The following MITF variants were observed in gnomAD, a reference collection of about 807,000 sequenced individuals.
MITF encodes the protein microphthalmia-associated transcription factor.
In MITF, 17 loss-of-function variants were observed where a neutral mutation model predicts 60.5. The observed-to-expected ratio is 0.28, with a 90% CI of 0.19 to 0.42. MITF has a LOEUF of 0.42. Ranked by LOEUF, MITF falls within the 10% of genes least tolerant of loss-of-function variation. The pLI, the probability that MITF is intolerant of heterozygous loss-of-function variation, is 1.00. For missense variants in MITF, 622 were observed against 683.5 expected (o/e 0.91, Z 1.00); for synonymous variants, 260 against 248.5 (o/e 1.05, Z -0.43).
At chr3:69,890,131 AT>A (rs1270170078) in intron 2 of MITF, among the ~76,000 whole-genome samples, 2 of 152,192 alleles carry the variant, frequency 1.3e-5, no homozygotes, top group African/African-American at 2.4e-5. Context: ...ACACAAAAAA[AT>A]TAGTCATTAT....
At chr3:69,841,538 G>A (rs1319719405) in intron 1 of MITF, among the ~76,000 whole-genome samples, 2 of 152,252 alleles carry the variant, frequency 1.3e-5, no homozygotes, top group Non-Finnish European at 2.9e-5. Flanking sequence ...TTCATCTTAA[G>A]GGTAAGAAAG....
intron 2 of MITF, among the ~76,000 whole-genome samples, chr3:69,879,776 G>C (rs1361232964): frequency 6.6e-6 from 1 of 152,040 alleles, no homozygotes; most frequent in Non-Finnish European, 1.5e-5. Flanking sequence ...TTTTTATTTA[G>C]TATGTAATAT....
chr3:69,741,918 C>G (rs1703542595), intron 1 of MITF, among the ~76,000 whole-genome samples: 1 of 152,168 alleles, frequency 6.6e-6, no homozygotes, highest in African/African-American at 2.4e-5. Flanking sequence ...TCACTTCTTA[C>G]AAGTCTTTGT....
chr3:69,888,806 G>T (rs1042503671), intron 2 of MITF, among the ~76,000 whole-genome samples: 1 of 151,732 alleles, frequency 6.6e-6, no homozygotes, highest in Non-Finnish European at 1.5e-5. Flanking sequence ...TATTAACTTT[G>T]TTGCCTTTCC....
chr3:69,820,290 C>T (rs531352569), intron 1 of MITF, among the ~76,000 whole-genome samples: 58 of 152,076 alleles, frequency 3.8e-4, no homozygotes, highest in Admixed American at 1.4e-3. Flanking sequence ...TTCTATTAGA[C>T]GGTGCTGCTT....
At chr3:69,815,637 A>T (rs1382408538) in intron 1 of MITF, among the ~76,000 whole-genome samples, 1 of 152,238 alleles carries the variant, frequency 6.6e-6, no homozygotes, top group African/African-American at 2.4e-5. Flanking sequence ...TCTGATCAAC[A>T]GAAGGCTATT....
At chr3:69,749,768 G>A (rs761372996) in intron 1 of MITF, among the ~76,000 whole-genome samples, 1 of 152,152 alleles carries the variant, frequency 6.6e-6, no homozygotes, top group South Asian at 2.1e-4. Flanking sequence ...CTGGCTTATG[G>A]TATATTAAAC....
intron 1 of MITF, among the ~76,000 whole-genome samples, chr3:69,746,431 G>C (rs906862865): frequency 5.9e-5 from 9 of 151,906 alleles, no homozygotes; most frequent in African/African-American, 1.9e-4. Context: ...GCAGTATTAG[G>C]ATAAATAATA....
At chr3:69,817,423 C>T (rs1034092553) in intron 1 of MITF, among the ~76,000 whole-genome samples, 3 of 151,952 alleles carry the variant, frequency 2.0e-5, no homozygotes, top group African/African-American at 7.3e-5. Context: ...ATTAAACATG[C>T]AAGTTGCAGT....
In MITF at chr3:69,874,462, G is replaced by A. The variant is rs143834497; in HGVS notation, c.105-4672G>A. On this transcript the variant is annotated intron_variant, in intron 1 of 9. Coordinates refer to ENST00000352241, the MANE Select transcript of MITF (RefSeq NM_001354604.2). Reference sequence around the variant, plus strand: ...ACTGTATTCCAGTTTATTGGACCATGTTTCAGTCATTGTGCTAAGTTTTTC... The same window carrying A: ...ACTGTATTCCAGTTTATTGGACCATATTTCAGTCATTGTGCTAAGTTTTTC... Among the ~76,000 whole-genome samples, 38 of 152,294 alleles carry A rather than the reference G, an allele frequency of 2.5e-4. 1 individual carries two copies. The East Asian group carries it at 6.0e-3, about 24-fold the overall frequency.
chr3:69,784,900 T>C (rs528406936), intron 1 of MITF, among the ~76,000 whole-genome samples: 8 of 152,346 alleles, frequency 5.3e-5, no homozygotes, highest in South Asian at 4.1e-4. Flanking sequence ...TTGTGTTTCA[T>C]TGAAGATCCC....
chr3:69,804,381 T>C (rs780730077), intron 1 of MITF, among the ~76,000 whole-genome samples: 3 of 151,120 alleles, frequency 2.0e-5, no homozygotes, highest in African/African-American at 4.9e-5. Context: ...TCCTCAACAG[T>C]TAATCTCTTT....
intron 1 of MITF, among the ~76,000 whole-genome samples, chr3:69,788,839 C>A (rs2106906072): frequency 6.6e-6 from 1 of 152,162 alleles, no homozygotes. Context: ...CAAGATGATT[C>A]AATGAAGTAA....
At chr3:69,854,566 C>T (rs2063883037) in intron 1 of MITF, among the ~76,000 whole-genome samples, 1 of 151,956 alleles carries the variant, frequency 6.6e-6, no homozygotes, top group African/African-American at 2.4e-5. Flanking sequence ...TATTATTGAT[C>T]CATGGTTGGC....
Position 69,937,968 on chromosome 3 carries a change from T to C in MITF, c.501T>C (p.His167=), listed in dbSNP as rs775754964. 1.9e-6 allele frequency: 3 copies of C among 1,614,196 alleles called. No homozygotes were observed. The highest frequency in any genetic ancestry group is 1.3e-5 in the African/African-American group (1 of 75,080). ...CATGTCCAAACCAGCCTGGCGATCATGTCATGCCACCGGTGCCGGGGAGCA... is the reference window on the plus strand; with the variant it reads ...CATGTCCAAACCAGCCTGGCGATCACGTCATGCCACCGGTGCCGGGGAGCA... ...SLPCPNQPGD[H]VMPPVPGSSA... is the part of the protein sequence containing the mutation. The change falls in exon 3 of 10, where the codon CAT becomes CAC. Residue 167 remains histidine (H), a synonymous_variant. Coordinates refer to ENST00000352241, the MANE Select transcript of MITF (RefSeq NM_001354604.2).
intron 1 of MITF, among the ~76,000 whole-genome samples, chr3:69,875,420 A>T (rs1575860315): frequency 1.3e-5 from 2 of 152,178 alleles, no homozygotes; most frequent in African/African-American, 4.8e-5. Flanking sequence ...TGTGGCTTTA[A>T]ACTCTATGAG....
At chr3:69,797,639 C>T (rs995635752) in intron 1 of MITF, among the ~76,000 whole-genome samples, 2 of 152,172 alleles carry the variant, frequency 1.3e-5, no homozygotes, top group African/African-American at 2.4e-5. Flanking sequence ...AAAGCAACAT[C>T]TACTTTCAGT....
chr3:69,963,970 C>CTTTTTTTTTTTT (rs56921812), intron 9 of MITF, among the ~76,000 whole-genome samples: 484 of 85,968 alleles, frequency 5.6e-3, no homozygotes, highest in Non-Finnish European at 6.9e-3. Flanking sequence ...TTTTTCTTTT[C>CTTTTTTTTTTTT]TTTTTTTTTT....
At chr3:69,933,693 A>G (rs2065772027) in intron 2 of MITF, among the ~76,000 whole-genome samples, 1 of 152,286 alleles carries the variant, frequency 6.6e-6, no homozygotes, top group East Asian at 1.9e-4. Context: ...TTTGCTGTCT[A>G]TACTTCAGGT....
Sources: gnomAD v4.1 joint callset for allele counts (sites outside exome capture counted in the v4.1 genomes callset) on GRCh38, gnomAD v4.1.1 for gene constraint, MANE v1.5 for transcripts, NCBI Gene and HGNC (gene_info 2026-07-23, HGNC 2026-07-21) for gene names.